Variants in SAMD5 observed in about 807,000 individuals in gnomAD.
The protein encoded by SAMD5 is sterile alpha motif domain-containing protein 5.
Under a neutral mutation model 11.3 loss-of-function variants are expected in SAMD5, and 13 were observed. The observed-to-expected ratio is 1.15, with a 90% CI of 0.75 to 1.83. The LOEUF is 1.83. Ranked by LOEUF, SAMD5 falls within the 40% of genes most tolerant of loss-of-function variation. The pLI is 0.00. For missense variants in SAMD5, 255 were observed against 239.1 expected (o/e 1.07, Z -0.44); for synonymous variants, 129 against 111.3 (o/e 1.16, Z -1.00).
At chr6:147,806,894 A>G in the SAMD5 span, among the ~76,000 whole-genome samples, 1 of 152,138 alleles carries the variant, frequency 6.6e-6, no homozygotes, top group Non-Finnish European at 1.5e-5. Context: ...GTGGCCTTGT[A>G]AGAGACATCA....
chr6:147,620,987 T>C (rs57998739), intron 1 of SAMD5, among the ~76,000 whole-genome samples: 9 of 86,484 alleles, frequency 1.0e-4, no homozygotes, highest in African/African-American at 1.4e-4. Flanking sequence ...TGTGTGTGTG[T>C]GTGCGCGCGC....
chr6:147,882,794 G>C, the SAMD5 span, among the ~76,000 whole-genome samples: 1 of 152,182 alleles, frequency 6.6e-6, no homozygotes, highest in African/African-American at 2.4e-5. Flanking sequence ...TATAGATCTT[G>C]TGTACATATG....
At chr6:147,706,232 T>C (rs931883062) in intron 1 of SAMD5, among the ~76,000 whole-genome samples, 14 of 152,118 alleles carry the variant, frequency 9.2e-5, no homozygotes, top group African/African-American at 3.4e-4. Flanking sequence ...TTTGTTTTTG[T>C]TTTTTTCGAG....
chr6:147,633,352 C>A (rs879664830), intron 1 of SAMD5, among the ~76,000 whole-genome samples: 2 of 152,106 alleles, frequency 1.3e-5, no homozygotes, highest in Non-Finnish European at 1.5e-5. Context: ...AGTTTCCTGA[C>A]CCGAGGGCTC....
chr6:147,705,715 T>C (rs10081109), intron 1 of SAMD5, among the ~76,000 whole-genome samples: 12,523 of 152,212 alleles, frequency 0.082, 551 homozygotes, highest in Middle Eastern at 0.13. Flanking sequence ...GGGGAGCTTT[T>C]GTTGAATTGC....
At chr6:147,731,648 A>G (rs976534580) in intron 1 of SAMD5, among the ~76,000 whole-genome samples, 7 of 96,844 alleles carry the variant, frequency 7.2e-5, no homozygotes, top group African/African-American at 3.1e-4. Flanking sequence ...CTCTCTGGCC[A>G]CTACAAAAAA....
chr6:147,872,054 G>C, the SAMD5 span, among the ~76,000 whole-genome samples: 2 of 152,150 alleles, frequency 1.3e-5, no homozygotes, highest in Non-Finnish European at 2.9e-5. Flanking sequence ...TCTCCAGTTT[G>C]CAACAACGTT....
chr6:147,885,972 A>G, the SAMD5 span, among the ~76,000 whole-genome samples: 12 of 152,212 alleles, frequency 7.9e-5, no homozygotes, highest in Admixed American at 3.3e-4. Context: ...AACATCAAAA[A>G]GTTTTCCAAC....
the SAMD5 span, among the ~76,000 whole-genome samples, chr6:147,794,935 A>G: frequency 2.6e-5 from 4 of 152,216 alleles, no homozygotes; most frequent in East Asian, 1.9e-4. Context: ...TGAAGACCCT[A>G]CACAGACAGG....
At chr6:147,522,011 T>C (rs1033581005) in intron 1 of SAMD5, among the ~76,000 whole-genome samples, 1 of 152,120 alleles carries the variant, frequency 6.6e-6, no homozygotes, top group Non-Finnish European at 1.5e-5. Context: ...CAAAATCCAT[T>C]AATTTTCACC....
intron 1 of SAMD5, among the ~76,000 whole-genome samples, chr6:147,718,554 C>A (rs1791500034): frequency 2.0e-5 from 3 of 152,146 alleles, no homozygotes; most frequent in Admixed American, 2.0e-4. Flanking sequence ...AAGAATAGAG[C>A]TCTATTGGGT....
At chr6:147,858,886 T>C in the SAMD5 span, among the ~76,000 whole-genome samples, 1 of 152,178 alleles carries the variant, frequency 6.6e-6, no homozygotes, top group South Asian at 2.1e-4. Context: ...AATACAGCCG[T>C]GAACCATGGA....
intron 1 of SAMD5, among the ~76,000 whole-genome samples, chr6:147,563,124 G>A (rs752129070): frequency 4.6e-5 from 7 of 152,088 alleles, no homozygotes; most frequent in Non-Finnish European, 7.3e-5. Context: ...AAGAAACTTC[G>A]TAAGCCTGGA....
the SAMD5 span, among the ~76,000 whole-genome samples, chr6:147,946,069 G>A: frequency 6.6e-6 from 1 of 152,284 alleles, no homozygotes; most frequent in South Asian, 2.1e-4. Flanking sequence ...CAACTGGACT[G>A]TGTGTAGATT....
chr6:147,885,413 AC>A, the SAMD5 span, among the ~76,000 whole-genome samples: 1 of 152,206 alleles, frequency 6.6e-6, no homozygotes, highest in Middle Eastern at 3.4e-3. Context: ...TTTTGACACA[AC>A]CCTTTTTTCT....
chr6:147,651,918 G>T (rs1414249099), intron 1 of SAMD5, among the ~76,000 whole-genome samples: 2 of 152,046 alleles, frequency 1.3e-5, no homozygotes, highest in East Asian at 3.9e-4. Flanking sequence ...CCACACCCAG[G>T]CCCGCACAGA....
chr6:147,821,230 G>A, the SAMD5 span, among the ~76,000 whole-genome samples: 1 of 151,988 alleles, frequency 6.6e-6, no homozygotes, highest in African/African-American at 2.4e-5. Flanking sequence ...TAATTTTCTT[G>A]TAATGCAAAA....
At chr6:147,639,039 T>C (rs1033241868) in intron 1 of SAMD5, among the ~76,000 whole-genome samples, 86 of 152,218 alleles carry the variant, frequency 5.6e-4, no homozygotes, top group Non-Finnish European at 1.8e-4. Context: ...GTGCCAGGCA[T>C]TGTGCTATCT....
At chr6:147,539,443 A>G (rs1297830367) in intron 1 of SAMD5, among the ~76,000 whole-genome samples, 4 of 152,184 alleles carry the variant, frequency 2.6e-5, no homozygotes, top group Non-Finnish European at 5.9e-5. Flanking sequence ...TACACACCAA[A>G]GTTCTTTCAT....
Sources: allele counts gnomAD v4.1 joint callset (sites outside exome capture counted in the v4.1 genomes callset), GRCh38; gene constraint gnomAD v4.1.1; transcripts MANE v1.5; gene names NCBI Gene and HGNC (gene_info 2026-07-23, HGNC 2026-07-21).